The following TERT variants were observed in gnomAD, a reference collection of about 807,000 sequenced individuals.
TERT encodes the protein telomerase catalytic subunit.
TERT carries 42 observed loss-of-function variants against 104.0 expected under a neutral mutation model. The observed-to-expected ratio is 0.40, with a 90% CI of 0.32 to 0.52. TERT has a LOEUF of 0.52. Among genes scored for constraint, TERT ranks in the 20% least tolerant of loss-of-function variants. The pLI, the probability that TERT is intolerant of heterozygous loss-of-function variation, is 0.43. For missense variants in TERT, 1,101 were observed against 1,610.3 expected (o/e 0.68, Z 5.41); for synonymous variants, 781 against 725.6 (o/e 1.08, Z -1.23).
In TERT at chr5:1,263,134, G is replaced by A. The variant is rs1748351180; in HGVS notation, c.2843+1270C>T. 6.6e-6 allele frequency among the ~76,000 whole-genome samples: 1 copy of A among 152,130 alleles called. No homozygotes were observed. The highest frequency in any genetic ancestry group is 2.1e-4 in the South Asian group (1 of 4,818). The stretch of plus-strand genomic sequence containing the variant: ...GCACCTGCTGCTCCCCCATCACGAG[G>A]GTGTCCACACCTGCTGCTCCCCCAT... On this transcript the variant is annotated intron_variant, in intron 11 of 15. Coordinates refer to ENST00000310581, the MANE Select transcript of TERT (RefSeq NM_198253.3). This position sits in a 1 kb window ranked among gnomAD's most constrained non-coding sequence, Gnocchi z 5.3.
At chr5:1,278,954 C>T (rs1749810866) in intron 5 of TERT, among the ~76,000 whole-genome samples, 158 bp from the exon 6 acceptor site, 1 of 152,254 alleles carries the variant, frequency 6.6e-6, no homozygotes, top group Non-Finnish European at 1.5e-5. Context: ...CTCTCTGAGC[C>T]TCAGGACAGG....
intron 9 of TERT, among the ~76,000 whole-genome samples, chr5:1,266,806 C>T (rs183115228): frequency 2.8e-4 from 43 of 152,336 alleles, no homozygotes; most frequent in South Asian, 1.4e-3. Flanking sequence ...CCATCAGGCG[C>T]GGCCCCACTT....
intron 10 of TERT, 133 bp downstream of exon 10, chr5:1,266,331 G>T: frequency 1.1e-6 from 1 of 896,018 alleles, no homozygotes; most frequent in Non-Finnish European, 1.8e-6. Context: ...CTCTGCTCTT[G>T]CGGATCCAGC....
chr5:1,289,169 G>C (rs1439443295), intron 2 of TERT, among the ~76,000 whole-genome samples: 2 of 149,550 alleles, frequency 1.3e-5, no homozygotes, highest in Non-Finnish European at 1.5e-5. Flanking sequence ...CCCGGGGGCC[G>C]CAACTCACTC....
rs1747862693 is a variant in TERT at position 1,257,856 on chromosome 5, C to T, written c.3032+742G>A. Among the ~76,000 whole-genome samples the T allele has an allele frequency of 2.0e-5, 3 of 152,182 alleles. No homozygotes were observed. In the South Asian group the frequency reaches 6.2e-4, roughly 32 times the overall value. On this transcript the variant is annotated intron_variant, in intron 13 of 15. Transcript: ENST00000310581. This position sits in a 1 kb window ranked among gnomAD's most constrained non-coding sequence, Gnocchi z 5.6. ...CTCAGCCCTCATGGGGCGAGGGCTT[C>T]GGCCTCCTGGCATTCAGCTCCCAGT...
At chr5:1,291,883 G>A (rs1375863419) in intron 2 of TERT, among the ~76,000 whole-genome samples, 1 of 152,232 alleles carries the variant, frequency 6.6e-6, no homozygotes, top group Admixed American at 6.5e-5. Context: ...CTCAACGAAG[G>A]AAGCTGGAGC....
At chr5:1,271,919 G>A (rs1749064492) in intron 7 of TERT, among the ~76,000 whole-genome samples, 1 of 152,234 alleles carries the variant, frequency 6.6e-6, no homozygotes, top group African/African-American at 2.4e-5. Context: ...AAGACATTTA[G>A]CAAATCATGA....
intron 9 of TERT, among the ~76,000 whole-genome samples, chr5:1,267,469 C>A (rs1748690789): frequency 6.6e-6 from 1 of 152,220 alleles, no homozygotes; most frequent in Non-Finnish European, 1.5e-5. Context: ...TTTGACCCAG[C>A]CATCCCATTA....
intron 6 of TERT, among the ~76,000 whole-genome samples, 169 bp from the exon 7 acceptor site, chr5:1,272,449 C>T (rs1041070667): frequency 7.9e-5 from 12 of 152,102 alleles, no homozygotes; most frequent in East Asian, 5.8e-4. Context: ...GCCGGGGGGC[C>T]GAGGACGCAA....
rs1748777252 is a variant in TERT, at chr5:1,268,497, C to T, written c.2582+23G>A. On this transcript the variant is annotated intron_variant, in intron 9 of 15. Coordinates refer to ENST00000310581, the MANE Select transcript of TERT (RefSeq NM_198253.3). The surrounding 1 kb of genome is among the most constrained non-coding windows in gnomAD (Gnocchi z 5.5). ...AGCAAATCAACCCCCACCCAAGCCC[C>T]CCTGGGGAAGAGGAGGCCTCACCCG... 4.4e-6 allele frequency: 7 copies of T among 1,598,056 alleles called. No homozygotes were observed. Among genetic ancestry groups the T allele is most frequent in the East Asian group, 2.2e-5 (1 of 44,746 alleles).
At position 1,255,865 on chromosome 5, in the gene TERT, C is replaced by T. The variant is rs1452816959; in HGVS notation, c.3033-454G>A. On this transcript the variant is annotated intron_variant, in intron 13 of 15. Coordinates refer to ENST00000310581, the MANE Select transcript of TERT (RefSeq NM_198253.3). The surrounding 1 kb of genome is among the most constrained non-coding windows in gnomAD (Gnocchi z 6.9). ...TCCTGCGCATCCCTTCTGAGCCACCCGCCCCTGTGGTGCATAAACCCTGGG... is the reference window on the plus strand; with the variant it reads ...TCCTGCGCATCCCTTCTGAGCCACCTGCCCCTGTGGTGCATAAACCCTGGG... 6.6e-6 allele frequency among the ~76,000 whole-genome samples: 1 copy of T among 152,072 alleles called. No individual in the cohort carries two copies. The highest frequency in any genetic ancestry group is 1.5e-5 in the Non-Finnish European group (1 of 68,034).
In TERT at chr5:1,260,468, G is replaced by A. The variant is rs1396703353; in HGVS notation, c.2970+6C>T. ...TGAACTCTGTGCTGACCATCAGCCT[G>A]CTCACCTGCAAATCCAGAAACAGGC... On this transcript the variant is annotated splice_donor_region_variant and intron_variant, in intron 12 of 15. Coordinates refer to ENST00000310581, the MANE Select transcript of TERT (RefSeq NM_198253.3). The A allele has an allele frequency of 2.5e-6, 4 of 1,613,890 alleles. No homozygotes were observed. In the African/African-American group the frequency reaches 5.3e-5, roughly 22 times the overall value.
intron 2 of TERT, among the ~76,000 whole-genome samples, chr5:1,284,937 TG>T (rs1750376470): frequency 6.6e-6 from 1 of 150,526 alleles, no homozygotes; most frequent in African/African-American, 2.5e-5. Context: ...CCGCAGGGCC[TG>T]GTGACCTCAC....
intron 4 of TERT, among the ~76,000 whole-genome samples, 156 bp downstream of exon 4, chr5:1,280,002 G>A (rs372490610): frequency 1.5e-3 from 230 of 152,282 alleles, no homozygotes; most frequent in Middle Eastern, 6.8e-3. Flanking sequence ...CCGGCACCTC[G>A]GCCACCTCAC....
rs2126557093 is a variant in TERT at position 1,253,785 on chromosome 5, G to A, written c.3342C>T (p.Ala1114=). The A allele has an allele frequency of 1.2e-6, 2 of 1,612,224 alleles. No individual in the cohort carries two copies. The highest frequency in any genetic ancestry group is 1.7e-6 in the Non-Finnish European group (2 of 1,179,802). The part of the protein sequence containing the change: ...SRKLPGTTLT[A]LEAAANPALP... ...GTGCCGGGTTGGCTGCGGCCTCCAGGGCAGTCAGCGTCGTCCCCGGGAGCT... is the reference window on the plus strand; with the variant it reads ...GTGCCGGGTTGGCTGCGGCCTCCAGAGCAGTCAGCGTCGTCCCCGGGAGCT... Residue 1114 remains alanine (A), a synonymous_variant, in exon 16 of 16, where the codon GCC becomes GCT. Coordinates refer to ENST00000310581, the MANE Select transcript of TERT (RefSeq NM_198253.3).
chr5:1,266,554 C>T lies in TERT; in HGVS notation c.2583-19G>A. 2 of 1,593,574 alleles carry T rather than the reference C, an allele frequency of 1.3e-6. No homozygotes were observed. The highest frequency in any genetic ancestry group is 1.7e-5 in the Admixed American group (1 of 58,282). Reference sequence around the variant, plus strand: ...GAGCAGCCTAAAATAAGGGAAAATACACAGCAAGGTTAACTTTACACTTTT... The same window carrying T: ...GAGCAGCCTAAAATAAGGGAAAATATACAGCAAGGTTAACTTTACACTTTT... On this transcript the variant is annotated intron_variant, in intron 9 of 15. Coordinates refer to ENST00000310581, the MANE Select transcript of TERT (RefSeq NM_198253.3).
At chr5:1,271,242 G>C (rs747581043) in intron 7 of TERT, 38 bp from the exon 8 acceptor site, 12 of 1,517,460 alleles carry the variant, frequency 7.9e-6, no homozygotes, top group Admixed American at 1.7e-5. Flanking sequence ...GAGTGAGCCG[G>C]TGGGTGCTGA....
chr5:1,259,806 A>G (rs1579550310), intron 12 of TERT, among the ~76,000 whole-genome samples: 1 of 135,926 alleles, frequency 7.4e-6, no homozygotes, highest in Non-Finnish European at 1.6e-5. Context: ...GAGTGGATGC[A>G]GATGCCCACA....
rs1418217664 is a variant in TERT at position 1,274,554 on chromosome 5, C to A, written c.2287-2274G>T. ...ACCTCAGATCATCAGGCATTAGATTCCCATAAGGAGCACAGAATCTAGACC... is the reference window on the plus strand; with the variant it reads ...ACCTCAGATCATCAGGCATTAGATTACCATAAGGAGCACAGAATCTAGACC... On this transcript the variant is annotated intron_variant, in intron 6 of 15. Coordinates refer to ENST00000310581, the MANE Select transcript of TERT (RefSeq NM_198253.3). The surrounding 1 kb of genome is among the most constrained non-coding windows in gnomAD (Gnocchi z 5.3). Among the ~76,000 whole-genome samples, 2 of 152,174 alleles carry A rather than the reference C, an allele frequency of 1.3e-5. No individual in the cohort carries two copies. Among genetic ancestry groups the A allele is most frequent in the African/African-American group, 4.8e-5 (2 of 41,442 alleles).
Sources: allele counts gnomAD v4.1 joint callset (sites outside exome capture counted in the v4.1 genomes callset), GRCh38; gene constraint gnomAD v4.1.1; non-coding constraint Gnocchi (gnomAD v3.1); transcripts MANE v1.5; gene names NCBI Gene and HGNC (gene_info 2026-07-23, HGNC 2026-07-21).